The following GABRB1 variants were observed in gnomAD, a reference collection of about 807,000 sequenced individuals.
GABRB1 encodes the protein gamma-aminobutyric acid receptor subunit beta-1.
A neutral mutation model predicts 51.6 loss-of-function variants in GABRB1; 17 were observed. The ratio of observed to expected loss-of-function variants is 0.33; its 90% CI spans 0.23 to 0.49. GABRB1 has a LOEUF of 0.49. Among genes scored for constraint, GABRB1 ranks in the 20% least tolerant of loss-of-function variants. The pLI is 0.99. For missense variants in GABRB1, 410 were observed against 600.6 expected (o/e 0.68, Z 3.32); for synonymous variants, 247 against 218.9 (o/e 1.13, Z -1.14).
chr4:47,145,330 C>T (rs10032128), intron 3 of GABRB1, among the ~76,000 whole-genome samples: 2,523 of 152,094 alleles, frequency 0.017, 64 homozygotes, highest in African/African-American at 0.058. Context: ...GTAAACCACA[C>T]AAATGCTGCC....
rs377425459 is a variant in GABRB1, at chr4:47,171,128, T to C, written c.461+9659T>C. Among the ~76,000 whole-genome samples, 75 of 152,254 alleles carry C rather than the reference T, an allele frequency of 4.9e-4. No individual in the cohort carries two copies. In the South Asian group the frequency reaches 0.014, roughly 28 times the overall value. ...ATTGTGTGAGTATGTTATTTGTGGATGTATCATTGTGATTAAACCTTCCTA... is the reference window on the plus strand; with the variant it reads ...ATTGTGTGAGTATGTTATTTGTGGACGTATCATTGTGATTAAACCTTCCTA... On this transcript the variant is annotated intron_variant, in intron 4 of 8. Coordinates refer to ENST00000295454, the MANE Select transcript of GABRB1 (RefSeq NM_000812.4).
rs73815420 is a variant in GABRB1 at position 47,241,296 on chromosome 4, G to C, written c.462-78831G>C. Among the ~76,000 whole-genome samples, 839 of 152,216 alleles carry C rather than the reference G, an allele frequency of 5.5e-3. 12 individuals are homozygous for C. The highest frequency in any genetic ancestry group is 0.019 in the African/African-American group (797 of 41,536). On this transcript the variant is annotated intron_variant, in intron 4 of 8. Transcript: ENST00000295454. Reference sequence around the variant, plus strand: ...GGAGGAAAGGTGCTAAAATGTTGTAGGATGAGACTGGTAATTTCATTCCTT... The same window carrying C: ...GGAGGAAAGGTGCTAAAATGTTGTACGATGAGACTGGTAATTTCATTCCTT...
chr4:47,093,061 G>T (rs1172498339), intron 3 of GABRB1, among the ~76,000 whole-genome samples: 1 of 152,160 alleles, frequency 6.6e-6, no homozygotes, highest in Non-Finnish European at 1.5e-5. Context: ...ACAGGAAATT[G>T]TTCTCTTTTA....
At chr4:47,046,010 G>C (rs890563018) in intron 3 of GABRB1, among the ~76,000 whole-genome samples, 1 of 152,156 alleles carries the variant, frequency 6.6e-6, no homozygotes, top group East Asian at 1.9e-4. Context: ...CTGAAACATA[G>C]GGGCAGTTTC....
intron 8 of GABRB1, among the ~76,000 whole-genome samples, chr4:47,422,916 G>A (rs1379009997): frequency 6.6e-6 from 1 of 152,034 alleles, no homozygotes; most frequent in African/African-American, 2.4e-5. Context: ...AATCTAATCA[G>A]TTGCCAAATC....
chr4:47,122,816 T>C (rs1577927172), intron 3 of GABRB1, among the ~76,000 whole-genome samples: 1 of 152,178 alleles, frequency 6.6e-6, no homozygotes, highest in African/African-American at 2.4e-5. Flanking sequence ...TGGAAACAAG[T>C]AGAAAGGAGC....
intron 5 of GABRB1, among the ~76,000 whole-genome samples, chr4:47,384,920 A>G (rs1727733761): frequency 6.6e-6 from 1 of 152,210 alleles, no homozygotes; most frequent in South Asian, 2.1e-4. Context: ...GGCATTCTTA[A>G]CACTCAATTT....
chr4:47,291,145 G>T (rs949066507), intron 4 of GABRB1, among the ~76,000 whole-genome samples: 33 of 152,114 alleles, frequency 2.2e-4, no homozygotes, highest in Admixed American at 3.9e-4. Context: ...GTAGTCTAGG[G>T]ACTTGGTGCC....
chr4:47,355,890 A>G (rs1578118495), intron 5 of GABRB1, among the ~76,000 whole-genome samples: 1 of 152,192 alleles, frequency 6.6e-6, no homozygotes, highest in Non-Finnish European at 1.5e-5. Context: ...CTTTCTAGAT[A>G]TATCATCTTA....
intron 3 of GABRB1, among the ~76,000 whole-genome samples, chr4:47,091,489 A>T (rs188070928): frequency 1.3e-5 from 2 of 152,300 alleles, no homozygotes; most frequent in Middle Eastern, 3.4e-3. Context: ...AAATTTTAGG[A>T]CCAAAGTAAG....
chr4:47,398,216 G>A (rs1025055623), intron 5 of GABRB1, among the ~76,000 whole-genome samples: 24 of 152,130 alleles, frequency 1.6e-4, no homozygotes, highest in African/African-American at 5.5e-4. Context: ...ATCAATTTCT[G>A]TATAGTAATT....
At chr4:47,234,039 T>A (rs1054586722) in intron 4 of GABRB1, among the ~76,000 whole-genome samples, 1 of 152,210 alleles carries the variant, frequency 6.6e-6, no homozygotes, top group Non-Finnish European at 1.5e-5. Context: ...ACCACAGAAT[T>A]TCTTCTTCAC....
chr4:47,085,429 C>T (rs1420927693), intron 3 of GABRB1, among the ~76,000 whole-genome samples: 1 of 152,186 alleles, frequency 6.6e-6, no homozygotes, highest in African/African-American at 2.4e-5. Context: ...ACAACATTCA[C>T]TTTGTATTGA....
upstream of GABRB1, chr4:47,031,493 T>C (rs1691511684): frequency 4.7e-6 from 3 of 636,194 alleles, no homozygotes; most frequent in Non-Finnish European, 5.6e-6. Context: ...CTGTTGCCTG[T>C]TCCACTAGGA....
At chr4:47,231,599 A>T (rs909447202) in intron 4 of GABRB1, among the ~76,000 whole-genome samples, 6 of 152,142 alleles carry the variant, frequency 3.9e-5, no homozygotes, top group African/African-American at 1.4e-4. Context: ...GTAACATAAC[A>T]TTTTTTCTGG....
chr4:47,175,255 C>A (rs763513575), intron 4 of GABRB1, among the ~76,000 whole-genome samples: 4 of 150,296 alleles, frequency 2.7e-5, no homozygotes, highest in Non-Finnish European at 5.9e-5. Flanking sequence ...ATGAGGTCTT[C>A]CTATGTTGCT....
chr4:47,348,728 A>G (rs1726198042), intron 5 of GABRB1, among the ~76,000 whole-genome samples: 1 of 152,194 alleles, frequency 6.6e-6, no homozygotes, highest in Non-Finnish European at 1.5e-5. Context: ...AACTAGGGGA[A>G]GGATAGTTAA....
intron 4 of GABRB1, among the ~76,000 whole-genome samples, chr4:47,297,237 G>A (rs1463684768): frequency 1.4e-5 from 2 of 146,768 alleles, no homozygotes; most frequent in East Asian, 2.0e-4. Flanking sequence ...AAAGCTAGCA[G>A]AAGGCAAGAA....
chr4:47,329,557 A>G (rs4261959), intron 5 of GABRB1, among the ~76,000 whole-genome samples: 90,724 of 147,772 alleles, frequency 0.61, 28,000 homozygotes, highest in East Asian at 0.7. Flanking sequence ...TATTTAGAAT[A>G]GAAGCCTTTC....
Sources: gnomAD v4.1 joint callset for allele counts (sites outside exome capture counted in the v4.1 genomes callset) on GRCh38, gnomAD v4.1.1 for gene constraint, MANE v1.5 for transcripts, NCBI Gene and HGNC (gene_info 2026-07-23, HGNC 2026-07-21) for gene names.